The following SCFD2 variants were observed in gnomAD, a reference collection of about 807,000 sequenced individuals.
SCFD2 encodes the protein sec1 family domain containing 2.
SCFD2 carries 54 observed loss-of-function variants against 58.9 expected under a neutral mutation model. The observed-to-expected ratio is 0.92, with a 90% CI of 0.74 to 1.15. The LOEUF (loss-of-function observed/expected upper bound fraction) is 1.15, where lower values mean the gene tolerates loss of function less well. Among genes scored for constraint, SCFD2 ranks in the 50% most tolerant of loss-of-function variants. SCFD2 has a pLI of 0.00. For missense variants in SCFD2, 805 were observed against 836.6 expected, an observed-to-expected ratio of 0.96 and a Z score of 0.47; for synonymous variants, 321 against 335.9, an observed-to-expected ratio of 0.96 and a Z score of 0.49.
At chr4:53,106,100 A>C (rs909978181) in intron 5 of SCFD2, among the ~76,000 whole-genome samples, 15 of 152,206 alleles carry the variant, frequency 9.9e-5, no homozygotes, top group Non-Finnish European at 2.1e-4. Flanking sequence ...TGGACCTGCA[A>C]ACACTAGCAG....
At chr4:53,020,875 A>T (rs2148813321) in intron 5 of SCFD2, among the ~76,000 whole-genome samples, 1 of 152,170 alleles carries the variant, frequency 6.6e-6, no homozygotes. Flanking sequence ...TTTGATGAAA[A>T]TTTGGTGTGA....
At chr4:53,339,107 G>T (rs1481218297) in intron 2 of SCFD2, among the ~76,000 whole-genome samples, 1 of 151,946 alleles carries the variant, frequency 6.6e-6, no homozygotes, top group Non-Finnish European at 1.5e-5. Flanking sequence ...TAAATACAAT[G>T]AACTTTTTTT....
At chr4:53,074,892 C>T (rs1723926513) in intron 5 of SCFD2, among the ~76,000 whole-genome samples, 1 of 152,154 alleles carries the variant, frequency 6.6e-6, no homozygotes, top group African/African-American at 2.4e-5. Context: ...GGTAAACGAG[C>T]ATTTGCTTCG....
At chr4:53,303,820 G>T (rs905429900) in intron 3 of SCFD2, among the ~76,000 whole-genome samples, 1 of 146,050 alleles carries the variant, frequency 6.8e-6, no homozygotes, top group Non-Finnish European at 1.6e-5. Context: ...GATGAAGCTG[G>T]AAACCATCAT....
intron 2 of SCFD2, among the ~76,000 whole-genome samples, chr4:53,325,909 G>A (rs774879377): frequency 6.6e-6 from 1 of 151,918 alleles, no homozygotes; most frequent in Non-Finnish European, 1.5e-5. Context: ...AAACCTGAAG[G>A]AACTAAAGAA....
rs563043538 is a variant in SCFD2, at chr4:52,940,281, G to T, written c.1562-19411C>A. Among the ~76,000 whole-genome samples the T allele has an allele frequency of 3.3e-5, 5 of 152,260 alleles. No homozygotes were observed. The South Asian group carries it at 1.0e-3, about 32-fold the overall frequency. On this transcript the variant is annotated intron_variant, in intron 5 of 8. Transcript: ENST00000401642. ...AAACCCAGCCAAGGACCCCAGAATG[G>T]CTGGGGCTTGTTCCGACTACACTCA...
At chr4:53,204,693 T>C (rs1008456744) in intron 4 of SCFD2, among the ~76,000 whole-genome samples, 5 of 146,930 alleles carry the variant, frequency 3.4e-5, no homozygotes, top group African/African-American at 1.3e-4. Context: ...TGTGATTCCA[T>C]ACTGAAAGAG....
At chr4:52,983,819 T>C (rs1353416520) in intron 5 of SCFD2, among the ~76,000 whole-genome samples, 1 of 152,220 alleles carries the variant, frequency 6.6e-6, no homozygotes, top group Non-Finnish European at 1.5e-5. Context: ...GTTGGTTTCA[T>C]TACCTGGAAT....
intron 7 of SCFD2, among the ~76,000 whole-genome samples, chr4:52,898,729 A>G (rs1296533806): frequency 1.3e-5 from 2 of 152,154 alleles, no homozygotes; most frequent in Non-Finnish European, 2.9e-5. Flanking sequence ...TGTCTTGTTG[A>G]TCTGTCTAAT....
intron 6 of SCFD2, among the ~76,000 whole-genome samples, chr4:52,914,199 C>G (rs142779011): frequency 1.3e-5 from 2 of 152,096 alleles, no homozygotes; most frequent in African/African-American, 4.8e-5. Context: ...CAAAAATGAC[C>G]GCTGGTTGGT....
At chr4:53,145,239 G>C in intron 5 of SCFD2, 94 bp downstream of exon 5, 1 of 1,447,154 alleles carries the variant, frequency 6.9e-7, no homozygotes, top group Non-Finnish European at 9.4e-7. Context: ...CTCCAGTGAA[G>C]ATGGTTACCT....
chr4:52,977,003 G>T (rs1721272317), intron 5 of SCFD2, among the ~76,000 whole-genome samples: 1 of 152,100 alleles, frequency 6.6e-6, no homozygotes, highest in Admixed American at 6.6e-5. Flanking sequence ...AGTCATACAT[G>T]TAAAGCTGTC....
At chr4:53,360,061 T>A (rs9312639) in intron 1 of SCFD2, among the ~76,000 whole-genome samples, 83,741 of 152,100 alleles carry the variant, frequency 0.55, 25,230 homozygotes, top group Non-Finnish European at 0.67. Flanking sequence ...TTTGGTGACT[T>A]GTGGTCTTAA....
intron 5 of SCFD2, among the ~76,000 whole-genome samples, chr4:53,051,321 T>C (rs993737538): frequency 1.3e-5 from 2 of 152,170 alleles, no homozygotes; most frequent in African/African-American, 4.8e-5. Context: ...AGCCAGGTTC[T>C]GGGGGCATGC....
intron 7 of SCFD2, among the ~76,000 whole-genome samples, chr4:52,888,722 T>A (rs550531941): frequency 6.6e-6 from 1 of 152,226 alleles, no homozygotes; most frequent in Non-Finnish European, 1.5e-5. Context: ...CCTTTCTTGG[T>A]CTGCCCATTT....
intron 4 of SCFD2, among the ~76,000 whole-genome samples, chr4:53,185,889 A>C (rs1355095177): frequency 6.6e-6 from 1 of 152,130 alleles, no homozygotes; most frequent in Non-Finnish European, 1.5e-5. Flanking sequence ...CCTCCTTGAG[A>C]TGCAACATGG....
intron 5 of SCFD2, among the ~76,000 whole-genome samples, chr4:53,105,452 G>A (rs1724965205): frequency 6.6e-6 from 1 of 152,138 alleles, no homozygotes. Flanking sequence ...AATTCTCACT[G>A]ACAGCACAGC....
chr4:53,236,250 C>T (rs190083744), intron 4 of SCFD2, among the ~76,000 whole-genome samples: 10 of 152,216 alleles, frequency 6.6e-5, no homozygotes, highest in Admixed American at 1.3e-4. Context: ...GCTTCTTGCC[C>T]TCGAACATCG....
chr4:53,013,477 T>C (rs1722142585), intron 5 of SCFD2, among the ~76,000 whole-genome samples: 1 of 152,270 alleles, frequency 6.6e-6, no homozygotes, highest in Non-Finnish European at 1.5e-5. Flanking sequence ...TTTTATTACT[T>C]GGGATTTTGC....
Sources: allele counts gnomAD v4.1 joint callset (sites outside exome capture counted in the v4.1 genomes callset), GRCh38; gene constraint gnomAD v4.1.1; transcripts MANE v1.5; gene names NCBI Gene and HGNC (gene_info 2026-07-23, HGNC 2026-07-21).